GPR89B: variants seen among roughly 807,000 people sequenced by gnomAD.
The protein encoded by GPR89B is G protein-coupled receptor 89B.
GPR89B carries 25 observed loss-of-function variants against 52.4 expected under a neutral mutation model. That is an observed-to-expected ratio of 0.48 (90% CI 0.35 to 0.67). The LOEUF is 0.67. Among genes scored for constraint, GPR89B ranks in the 30% least tolerant of loss-of-function variants. The pLI, the probability that GPR89B is intolerant of heterozygous loss-of-function variation, is 0.01. For synonymous variants in GPR89B, 52 were observed against 151.2 expected, an observed-to-expected ratio of 0.34 and a Z score of 4.81; for missense variants, 146 against 450.2, an observed-to-expected ratio of 0.32 and a Z score of 6.11.
At position 147,975,208 on chromosome 1, in the gene GPR89B, C is replaced by A. The variant is rs1409313531; in HGVS notation, c.909+5249C>A. ...CTCATAAAATGAGTTAGGGAGGAGT[C>A]CCTCTTTTTCTGTTGTTTGGAATAG... On this transcript the variant is annotated intron_variant, in intron 10 of 13. Coordinates refer to ENST00000314163, the MANE Select transcript of GPR89B (RefSeq NM_016334.5). 1.7e-4 allele frequency among the ~76,000 whole-genome samples: 23 copies of A among 134,060 alleles called. No individual in the cohort carries two copies. The East Asian group carries it at 4.7e-3, about 27-fold the overall frequency. 87.9% of individuals were successfully genotyped at this position (134,060 alleles called of 152,430 possible). A position where few individuals can be genotyped will look rare whatever the true frequency, so the allele number is the denominator to read the frequency against.
At chr1:148,013,864 GA>G in the GPR89B span, among the ~76,000 whole-genome samples, 151 of 152,176 alleles carry the variant, frequency 9.9e-4, 4 homozygotes, top group African/African-American at 3.4e-3. Flanking sequence ...GGCTGGGGAG[GA>G]GGAGGAGGCC....
At chr1:148,009,424 C>T in the GPR89B span, 1 of 1,610,378 alleles carries the variant, frequency 6.2e-7, no homozygotes, top group Non-Finnish European at 8.5e-7. Flanking sequence ...CAAGTTTGCA[C>T]ACCTCCATTC....
At chr1:147,991,080 A>G (rs879032807) in intron 12 of GPR89B, among the ~76,000 whole-genome samples, 6,600 of 142,756 alleles carry the variant, frequency 0.046, 572 homozygotes, top group African/African-American at 0.16. Flanking sequence ...CTATCCATGA[A>G]CATGGAATGT....
At chr1:147,950,150 G>C (rs1353504669) in intron 5 of GPR89B, among the ~76,000 whole-genome samples, 1 of 150,790 alleles carries the variant, frequency 6.6e-6, no homozygotes, top group Non-Finnish European at 1.5e-5. Context: ...GGTGGCTGCC[G>C]GGCGGAGGGG....
chr1:147,980,073 G>A (rs2149087060), intron 10 of GPR89B, among the ~76,000 whole-genome samples: 1 of 149,326 alleles, frequency 6.7e-6, no homozygotes, highest in East Asian at 2.0e-4. Flanking sequence ...ATGACAGAGG[G>A]AGACTCTGTC....
chr1:147,952,344 G>C (rs1267475722), intron 5 of GPR89B, among the ~76,000 whole-genome samples: 1 of 151,786 alleles, frequency 6.6e-6, no homozygotes, highest in African/African-American at 2.4e-5. Context: ...GATAGTAGGA[G>C]ATTGAGGCTC....
At chr1:148,015,940 C>A in the GPR89B span, among the ~76,000 whole-genome samples, 2 of 151,870 alleles carry the variant, frequency 1.3e-5, no homozygotes, top group African/African-American at 4.9e-5. Flanking sequence ...TATAGCAAAC[C>A]TTTTTAACTG....
chr1:147,943,620 A>G, intron 4 of GPR89B, 76 bp downstream of exon 4: 6 of 1,472,626 alleles, frequency 4.1e-6, no homozygotes, highest in Non-Finnish European at 5.5e-6. Context: ...GGATAGCTTC[A>G]TTTCTACATT....
At chr1:147,958,465 C>A (rs1326361927) in intron 7 of GPR89B, among the ~76,000 whole-genome samples, 2 of 147,806 alleles carry the variant, frequency 1.4e-5, no homozygotes, top group African/African-American at 5.1e-5. Flanking sequence ...ATGGCAAAAC[C>A]CCATCTCTAG....
At chr1:148,006,199 C>G in the GPR89B span, among the ~76,000 whole-genome samples, 1 of 146,494 alleles carries the variant, frequency 6.8e-6, no homozygotes, top group Non-Finnish European at 1.5e-5. Flanking sequence ...TGGCCTTGGC[C>G]CCTTGCACCA....
intron 1 of GPR89B, among the ~76,000 whole-genome samples, chr1:147,930,656 T>G (rs1251911525): frequency 2.0e-5 from 3 of 152,106 alleles, no homozygotes; most frequent in Admixed American, 1.3e-4. Context: ...ACTGAAAGGT[T>G]TATTTGAAAT....
chr1:147,991,037 G>T (rs1423569864), intron 12 of GPR89B, among the ~76,000 whole-genome samples: 1 of 151,214 alleles, frequency 6.6e-6, no homozygotes, highest in Non-Finnish European at 1.5e-5. Flanking sequence ...ATTACCTTGG[G>T]CAGTATGGCC....
the GPR89B span, among the ~76,000 whole-genome samples, chr1:148,000,360 T>A: frequency 7.8e-3 from 1,187 of 151,548 alleles, 23 homozygotes; most frequent in East Asian, 0.047. Context: ...TATCAAGTAT[T>A]TTCTAGGTAT....
At chr1:148,020,814 G>A in the GPR89B span, among the ~76,000 whole-genome samples, 20,580 of 151,218 alleles carry the variant, frequency 0.14, 2,392 homozygotes, top group African/African-American at 0.3. Flanking sequence ...CAGCCTCCCA[G>A]GTAGCTGCGA....
At chr1:148,013,397 C>T in the GPR89B span, among the ~76,000 whole-genome samples, 2 of 152,140 alleles carry the variant, frequency 1.3e-5, no homozygotes, top group Non-Finnish European at 2.9e-5. Flanking sequence ...CTGCAAAGCG[C>T]ATCGTCCTCG....
Position 147,940,130 on chromosome 1 carries a change from G to C in GPR89B, c.206+1313G>C, listed in dbSNP as rs4950507. On this transcript the variant is annotated intron_variant, in intron 3 of 13. Coordinates refer to ENST00000314163, the MANE Select transcript of GPR89B (RefSeq NM_016334.5). ...TTAATAATCCAAACCTTGGCCGGGC[G>C]CGGTGGCTCACGCCTGTAATCCCAG... is the stretch of plus-strand genomic sequence containing the variant. Among the ~76,000 whole-genome samples the C allele has an allele frequency of 1.3e-5, 2 of 149,488 alleles. 1 individual carries two copies. The highest frequency in any genetic ancestry group is 3.0e-5 in the Non-Finnish European group (2 of 66,210).
the GPR89B span, among the ~76,000 whole-genome samples, chr1:148,013,369 C>G: frequency 6.6e-6 from 1 of 152,150 alleles, no homozygotes; most frequent in East Asian, 1.9e-4. Flanking sequence ...CTGCTTTCTT[C>G]TGATGTTGGT....
chr1:148,014,416 G>A, the GPR89B span: 3 of 151,340 alleles, frequency 2.0e-5, no homozygotes, highest in African/African-American at 7.4e-5. Flanking sequence ...GGCATGTCAG[G>A]AGAGTGAGTG....
At chr1:147,958,778 C>T (rs1167523679) in intron 7 of GPR89B, among the ~76,000 whole-genome samples, 1 of 151,946 alleles carries the variant, frequency 6.6e-6, no homozygotes, top group Non-Finnish European at 1.5e-5. Flanking sequence ...ATTGTCTGGT[C>T]AGGATCAGGA....
Sources: gnomAD v4.1 joint callset for allele counts (sites outside exome capture counted in the v4.1 genomes callset) on GRCh38, gnomAD v4.1.1 for gene constraint, MANE v1.5 for transcripts, NCBI Gene and HGNC (gene_info 2026-07-23, HGNC 2026-07-21) for gene names.